FNBP1: variants seen among roughly 807,000 people sequenced by gnomAD.
FNBP1 encodes the protein formin binding protein 1, also known as formin-binding protein 1.
FNBP1 carries 26 observed loss-of-function variants against 90.6 expected under a neutral mutation model. That is an observed-to-expected ratio of 0.29 (90% CI 0.21 to 0.40). The LOEUF is 0.40. Among genes scored for constraint, FNBP1 ranks in the 10% least tolerant of loss-of-function variants. The pLI, the probability that FNBP1 is intolerant of heterozygous loss-of-function variation, is 1.00. For missense variants in FNBP1, 635 were observed against 768.0 expected, an observed-to-expected ratio of 0.83 and a Z score of 2.05; for synonymous variants, 260 against 265.2, an observed-to-expected ratio of 0.98 and a Z score of 0.19.
intron 1 of FNBP1, among the ~76,000 whole-genome samples, chr9:129,995,476 C>T (rs182353856): frequency 2.6e-5 from 4 of 152,150 alleles, no homozygotes; most frequent in African/African-American, 9.7e-5. Context: ...AGGAACAGTG[C>T]CTGGAGCTGG....
chr9:129,992,930 A>G (rs954545269), intron 2 of FNBP1, among the ~76,000 whole-genome samples: 3 of 150,718 alleles, frequency 2.0e-5, no homozygotes, highest in Admixed American at 6.6e-5. Context: ...TTAAAAAAAA[A>G]AAAAAAGAAA....
intron 13 of FNBP1, among the ~76,000 whole-genome samples, chr9:129,902,171 T>C (rs1196783285): frequency 6.6e-6 from 1 of 152,186 alleles, no homozygotes; most frequent in East Asian, 1.9e-4. Context: ...ATAATGGGCC[T>C]GCTGAGAGAA....
chr9:129,998,078 C>A (rs1227648423), intron 1 of FNBP1, among the ~76,000 whole-genome samples: 1 of 151,038 alleles, frequency 6.6e-6, no homozygotes, highest in Non-Finnish European at 1.5e-5. Context: ...CACCTGTAAT[C>A]CAAGCTACTC....
At chr9:129,995,563 G>A (rs532360004) in intron 1 of FNBP1, among the ~76,000 whole-genome samples, 4 of 152,240 alleles carry the variant, frequency 2.6e-5, no homozygotes, top group African/African-American at 9.6e-5. Context: ...ACAAGAGGGA[G>A]CCTGGGTAAC....
chr9:129,942,811 G>C (rs1259393509), intron 6 of FNBP1, among the ~76,000 whole-genome samples: 1 of 145,994 alleles, frequency 6.8e-6, no homozygotes, highest in Non-Finnish European at 1.5e-5. Context: ...TTTTATCGGG[G>C]TCACATTCAT....
At chr9:130,005,343 T>C (rs1336365446) in intron 1 of FNBP1, among the ~76,000 whole-genome samples, 1 of 380 alleles carries the variant, frequency 2.6e-3, no homozygotes. Context: ...AAATTGAGAT[T>C]TTTTTTTTTT....
At chr9:129,902,613 C>T (rs1353532325) in intron 13 of FNBP1, among the ~76,000 whole-genome samples, 3 of 152,092 alleles carry the variant, frequency 2.0e-5, no homozygotes, top group South Asian at 2.1e-4. Context: ...AACAACCCCG[C>T]CAACCCCGCA....
At chr9:129,969,101 G>A (rs1026725501) in intron 4 of FNBP1, among the ~76,000 whole-genome samples, 2 of 152,166 alleles carry the variant, frequency 1.3e-5, no homozygotes, top group Non-Finnish European at 2.9e-5. Flanking sequence ...GCTGATAAGA[G>A]TACATTTACA....
At chr9:129,969,026 T>C (rs1038223072) in intron 4 of FNBP1, among the ~76,000 whole-genome samples, 5 of 152,242 alleles carry the variant, frequency 3.3e-5, no homozygotes, top group African/African-American at 1.2e-4. Flanking sequence ...ACTCAAAGGC[T>C]GCAGCTACAC....
chr9:130,038,252 G>A (rs1365046996), intron 1 of FNBP1, among the ~76,000 whole-genome samples: 4 of 151,212 alleles, frequency 2.6e-5, no homozygotes, highest in African/African-American at 9.7e-5. Flanking sequence ...CTACTCCGGA[G>A]GCTGAGGCTG....
In FNBP1 at chr9:129,889,844, G is replaced by A. The variant is rs2034956217; in HGVS notation, c.*695C>T. ...GACCTCCCCAGGCCACTGAAAACAG[G>A]GCGTCAAACCAAAATGTGTGTATGC... is the stretch of plus-strand genomic sequence containing the variant. On this transcript the variant is annotated 3_prime_UTR_variant, in exon 17 of 17. Coordinates refer to ENST00000446176, the MANE Select transcript of FNBP1 (RefSeq NM_015033.3). 4.3e-6 allele frequency: 1 copy of A among 230,888 alleles called. No homozygotes were observed. Among genetic ancestry groups the A allele is most frequent in the Non-Finnish European group, 8.5e-6 (1 of 117,968 alleles). 14.3% of individuals were successfully genotyped at this position (230,888 alleles called of 1,614,324 possible).
intron 4 of FNBP1, among the ~76,000 whole-genome samples, chr9:129,965,708 G>T (rs199629218): frequency 1.0e-4 from 15 of 145,438 alleles, no homozygotes; most frequent in African/African-American, 2.8e-4. Flanking sequence ...GCGCGCGCGC[G>T]CACACACACA....
chr9:129,943,992 C>CAAA lies in FNBP1; in HGVS notation c.513+13365_513+13367dup, dbSNP rs397936316. On this transcript the variant is annotated intron_variant, in intron 6 of 16. Transcript: ENST00000446176. ...TGGGCGACAGAGCGAGACTCCATCTCAAAAAAAAAAAAAAAAACCTGCTAT... is the reference window on the plus strand; with the variant it reads ...TGGGCGACAGAGCGAGACTCCATCTCAAAAAAAAAAAAAAAAAAAACCTGCTAT... Among the ~76,000 whole-genome samples the CAAA allele has an allele frequency of 8.8e-4, 53 of 59,942 alleles. 6 individuals are homozygous for CAAA. The highest frequency in any genetic ancestry group is 3.7e-3 in the African/African-American group (52 of 14,024). The allele number at this position is 59,942 out of a possible 152,430, so 39.3% of individuals were successfully genotyped here.
At chr9:129,909,194 T>G in intron 11 of FNBP1, 195 bp from the exon 12 acceptor site, 2 of 600,002 alleles carry the variant, frequency 3.3e-6, no homozygotes. Flanking sequence ...CCATAAACCA[T>G]TCCCAGTTCC....
At chr9:129,949,417 TA>T (rs1213648836) in intron 6 of FNBP1, among the ~76,000 whole-genome samples, 2 of 152,194 alleles carry the variant, frequency 1.3e-5, no homozygotes, top group Non-Finnish European at 2.9e-5. Flanking sequence ...CTTTATACTG[TA>T]AACTTACTTT....
intron 8 of FNBP1, among the ~76,000 whole-genome samples, chr9:129,925,428 C>T (rs1229034328): frequency 1.3e-5 from 2 of 151,684 alleles, no homozygotes; most frequent in Non-Finnish European, 2.9e-5. Context: ...ATGGCATGAA[C>T]CCAGGAGGCG....
intron 1 of FNBP1, among the ~76,000 whole-genome samples, chr9:130,024,205 T>C (rs548012829): frequency 2.2e-4 from 33 of 147,990 alleles, no homozygotes; most frequent in African/African-American, 7.5e-4. Flanking sequence ...AGGCCAGGAG[T>C]TCAAGGCTAG....
rs866446587 is a variant in FNBP1, at chr9:130,043,122, G to A, written c.-147C>T. 9 of 619,894 alleles carry A rather than the reference G, an allele frequency of 1.5e-5. No homozygotes were observed. The highest frequency in any genetic ancestry group is 1.7e-4 in the South Asian group (2 of 11,788). The allele number at this position is 619,894 out of a possible 1,614,324, so 38.4% of individuals were successfully genotyped here. On this transcript the variant is annotated 5_prime_UTR_variant, in exon 1 of 17. Coordinates refer to ENST00000446176, the MANE Select transcript of FNBP1 (RefSeq NM_015033.3). ...TCCTCCGGCTCGCAGCTCCTCGCCC[G>A]GGGTCTCCTCGGCGGCTCCTCCTCC...
chr9:129,948,800 C>T (rs2045743821), intron 6 of FNBP1, among the ~76,000 whole-genome samples: 1 of 152,120 alleles, frequency 6.6e-6, no homozygotes, highest in Non-Finnish European at 1.5e-5. Context: ...CTCAGCCTCT[C>T]AAAGTGCTGG....
Sources: allele counts gnomAD v4.1 joint callset (sites outside exome capture counted in the v4.1 genomes callset), GRCh38; gene constraint gnomAD v4.1.1; transcripts MANE v1.5; gene names NCBI Gene and HGNC (gene_info 2026-07-23, HGNC 2026-07-21).